The following PTBP2 variants were observed in gnomAD, a reference collection of about 807,000 sequenced individuals.
The protein encoded by PTBP2 is polypyrimidine tract-binding protein 2.
A neutral mutation model predicts 61.4 loss-of-function variants in PTBP2; 13 were observed. The ratio of observed to expected loss-of-function variants is 0.21; its 90% CI spans 0.14 to 0.34. The LOEUF (loss-of-function observed/expected upper bound fraction) is 0.34. Among genes scored for constraint, PTBP2 ranks in the 10% least tolerant of loss-of-function variants. The pLI, the probability that PTBP2 is intolerant of heterozygous loss-of-function variation, is 1.00. For missense variants in PTBP2, 405 were observed against 642.6 expected (o/e 0.63, Z 4.00); for synonymous variants, 215 against 218.5 (o/e 0.98, Z 0.14).
chr1:96,819,797 A>C (rs572786655), downstream of PTBP2: 1 of 151,784 alleles, frequency 6.6e-6, no homozygotes, highest in African/African-American at 2.4e-5. Flanking sequence ...AGTGATTTAC[A>C]TGAAGCATTC....
chr1:96,747,160 C>T (rs1051341818), intron 2 of PTBP2, among the ~76,000 whole-genome samples: 1 of 151,548 alleles, frequency 6.6e-6, no homozygotes, highest in Non-Finnish European at 1.5e-5. Flanking sequence ...TTAATGTGGC[C>T]ACAAATTCCC....
chr1:96,822,412 A>G (rs888627568), exon 14 of PTBP2: 3 of 152,194 alleles, frequency 2.0e-5, no homozygotes, highest in Non-Finnish European at 4.4e-5. Context: ...GACAAGGAAC[A>G]AATAGAGAAA....
At chr1:96,733,388 G>C (rs1249623995) in intron 2 of PTBP2, among the ~76,000 whole-genome samples, 2 of 152,152 alleles carry the variant, frequency 1.3e-5, no homozygotes, top group African/African-American at 4.8e-5. Context: ...CTATTCTCAA[G>C]AAAGGGCTTT....
At chr1:96,791,826 C>CTTTTTTT (rs1163642886) in intron 8 of PTBP2, among the ~76,000 whole-genome samples, 4 of 66,120 alleles carry the variant, frequency 6.0e-5, no homozygotes, top group East Asian at 4.3e-4. Flanking sequence ...TGGAGTTGTG[C>CTTTTTTT]TTTTTTTTTT....
intron 8 of PTBP2, among the ~76,000 whole-genome samples, chr1:96,800,110 A>G (rs1660818530): frequency 6.6e-6 from 1 of 152,174 alleles, no homozygotes; most frequent in Admixed American, 6.5e-5. Context: ...AAGCATTCTT[A>G]CACCATACTG....
intron 8 of PTBP2, among the ~76,000 whole-genome samples, chr1:96,792,010 A>T (rs1412594215): frequency 6.7e-6 from 1 of 149,818 alleles, no homozygotes; most frequent in Non-Finnish European, 1.5e-5. Context: ...ATTTCTTCAT[A>T]TTTTTTTTAG....
intron 7 of PTBP2, among the ~76,000 whole-genome samples, chr1:96,778,386 C>CT (rs34377452): frequency 0.56 from 84,361 of 150,884 alleles, 23,891 homozygotes; most frequent in East Asian, 0.68. Context: ...TCTTTAATGT[C>CT]TTTTTTTTAA....
In PTBP2 at chr1:96,813,330, C is replaced by G. The variant is rs376479747; in HGVS notation, c.1521C>G (p.Ala507=). The part of the protein sequence containing the change: ...QMATVEEAIQ[A]LIDLHNYNLG... ...CAACAGTGGAAGAAGCTATTCAGGC[C>G]TTGATTGATCTTCATAATTATAACC... The change falls in exon 14 of 14, where the codon GCC becomes GCG. Residue 507 remains alanine (A), a synonymous_variant. Coordinates refer to ENST00000674951, the MANE Select transcript of PTBP2 (RefSeq NM_021190.4). The G allele has an allele frequency of 5.0e-6, 8 of 1,608,088 alleles. No individual in the cohort carries two copies. In the African/African-American group the frequency reaches 9.4e-5, roughly 19 times the overall value.
intron 7 of PTBP2, among the ~76,000 whole-genome samples, chr1:96,778,562 T>C (rs1279358364): frequency 6.6e-6 from 1 of 152,144 alleles, no homozygotes; most frequent in Non-Finnish European, 1.5e-5. Context: ...CTTAATCTTC[T>C]GTTTGTATAT....
chr1:96,816,122 C>A (rs1329383020), downstream of PTBP2: 2 of 152,114 alleles, frequency 1.3e-5, no homozygotes, highest in Non-Finnish European at 2.9e-5. Flanking sequence ...TCCCAGTCTC[C>A]CTAGTGGGAG....
At chr1:96,749,214 G>A (rs1044610252) in intron 2 of PTBP2, among the ~76,000 whole-genome samples, 3 of 147,980 alleles carry the variant, frequency 2.0e-5, no homozygotes, top group African/African-American at 7.4e-5. Context: ...TTTTCTACTT[G>A]AGTAGACCCA....
At chr1:96,821,724 G>A (rs1320878184) in exon 14 of PTBP2, 3 of 152,080 alleles carry the variant, frequency 2.0e-5, no homozygotes, top group Admixed American at 6.6e-5. Context: ...CACCTCTCGG[G>A]TTCAAGCAAT....
intron 8 of PTBP2, among the ~76,000 whole-genome samples, chr1:96,801,379 A>G (rs1252810000): frequency 6.6e-6 from 1 of 152,182 alleles, no homozygotes; most frequent in Non-Finnish European, 1.5e-5. Flanking sequence ...AATATTTGGT[A>G]GCATTTTACA....
intron 8 of PTBP2, among the ~76,000 whole-genome samples, chr1:96,789,233 A>G (rs530795923): frequency 3.0e-4 from 45 of 152,202 alleles, no homozygotes; most frequent in Non-Finnish European, 5.3e-4. Context: ...CATTCTCATC[A>G]TAAAGTTTTT....
At chr1:96,757,603 C>A (rs1156319384) in intron 3 of PTBP2, among the ~76,000 whole-genome samples, 1 of 152,102 alleles carries the variant, frequency 6.6e-6, no homozygotes, top group Non-Finnish European at 1.5e-5. Context: ...GCTTAACTCA[C>A]ATTTATAAAA....
At chr1:96,790,269 CTT>C (rs1257294576) in intron 8 of PTBP2, among the ~76,000 whole-genome samples, 1 of 141,582 alleles carries the variant, frequency 7.1e-6, no homozygotes, top group Non-Finnish European at 1.5e-5. Flanking sequence ...GATTTAGAGC[CTT>C]TTTTTTTTTT....
intron 8 of PTBP2, among the ~76,000 whole-genome samples, chr1:96,791,831 T>TTTTGTA (rs1292684787): frequency 2.3e-5 from 3 of 127,762 alleles, no homozygotes; most frequent in African/African-American, 1.0e-4. Flanking sequence ...TTGTGCTTTT[T>TTTTGTA]TTTTTTTTTT....
rs144100740 is a variant in PTBP2 at position 96,802,358 on chromosome 1, A to G, written c.905-2442A>G. Among the ~76,000 whole-genome samples, 746 of 152,282 alleles carry G rather than the reference A, an allele frequency of 4.9e-3. 5 individuals carry two copies. The highest frequency in any genetic ancestry group is 0.017 in the African/African-American group (701 of 41,574). On this transcript the variant is annotated intron_variant, in intron 8 of 13. Transcript: ENST00000674951. ...ACAAAGTTGAAGACAATTATAGTTA[A>G]ATAAGCAGGAGATACAGAGTATTTT...
chr1:96,752,560 T>G (rs1654682750), intron 3 of PTBP2, among the ~76,000 whole-genome samples: 1 of 152,138 alleles, frequency 6.6e-6, no homozygotes, highest in African/African-American at 2.4e-5. Flanking sequence ...ATGTAATGAT[T>G]ACAAAGCAAA....
Sources: allele counts gnomAD v4.1 joint callset (sites outside exome capture counted in the v4.1 genomes callset), GRCh38; gene constraint gnomAD v4.1.1; transcripts MANE v1.5; gene names NCBI Gene and HGNC (gene_info 2026-07-23, HGNC 2026-07-21).